Variants in HNRNPA3 observed in about 807,000 individuals in gnomAD.
HNRNPA3 encodes epididymis secretory sperm binding protein.
HNRNPA3 carries 3 observed loss-of-function variants against 45.8 expected under a neutral mutation model. That is an observed-to-expected ratio of 0.07 (90% CI 0.03 to 0.17). The LOEUF is 0.17. HNRNPA3 is among the 10% of genes least tolerant of loss of function. The probability of loss-of-function intolerance (pLI) is 1.00; values close to 1 mark genes in which losing one functional copy is unlikely to be tolerated. For missense variants in HNRNPA3, 183 were observed against 480.3 expected (o/e 0.38, Z 5.79); for synonymous variants, 170 against 155.6 (o/e 1.09, Z -0.69).
Position 177,217,173 on chromosome 2 carries a change from A to G in HNRNPA3, c.820+233A>G, listed in dbSNP as rs938016082. Among the ~76,000 whole-genome samples, 18 of 152,204 alleles carry G rather than the reference A, an allele frequency of 1.2e-4. No homozygotes were observed. The East Asian group carries it at 2.9e-3, about 25-fold the overall frequency. On this transcript the variant is annotated intron_variant, in intron 7 of 10. Coordinates refer to ENST00000392524, the Ensembl canonical transcript of HNRNPA3. ...GAATTGTTCTATTAAGTCTGAGACT[A>G]TATTTTTCTTAGTGAAATTTTGTAA...
At chr2:177,222,790 G>T (rs1432911357), downstream of HNRNPA3, 1 of 152,600 alleles carries the variant, frequency 6.6e-6, no homozygotes, top group Non-Finnish European at 1.5e-5. Flanking sequence ...AAGAAGAAAA[G>T]TTACCAGATG....
downstream of HNRNPA3, chr2:177,221,681 CA>C (rs1373167887): frequency 6.6e-6 from 1 of 152,596 alleles, no homozygotes; most frequent in Admixed American, 6.5e-5. Context: ...CAGTGTGGAT[CA>C]CAGAAACTCA....
At chr2:177,217,963 A>G in intron 8 of HNRNPA3, 118 bp downstream of exon 8, 1 of 1,058,668 alleles carries the variant, frequency 9.4e-7, no homozygotes, top group Non-Finnish European at 1.3e-6. Context: ...TATAAGAAAA[A>G]TACTAAAATG....
intron 8 of HNRNPA3, among the ~76,000 whole-genome samples, chr2:177,218,372 A>G (rs1341689132): frequency 6.6e-6 from 1 of 152,138 alleles, no homozygotes; most frequent in Non-Finnish European, 1.5e-5. Context: ...AAATGTACTG[A>G]ATTTTTAGTT....
chr2:177,214,970 T>G (rs141165070), intron 1 of HNRNPA3, among the ~76,000 whole-genome samples: 7 of 152,296 alleles, frequency 4.6e-5, no homozygotes, highest in Admixed American at 3.3e-4. Context: ...ATGAAGCGAT[T>G]TTTTGATTCT....
At chr2:177,215,421 T>C in intron 1 of HNRNPA3, 118 bp from the exon 2 acceptor site, 1 of 1,057,192 alleles carries the variant, frequency 9.5e-7, no homozygotes, top group Non-Finnish European at 1.4e-6. Context: ...CTGGACAAAG[T>C]GTTAACTGTC....
intron 7 of HNRNPA3, 21 bp from the exon 8 acceptor site, chr2:177,217,684 T>TGTTATTTGTTGTTTTTTTA: frequency 1.9e-6 from 3 of 1,611,962 alleles, no homozygotes; most frequent in Non-Finnish European, 2.5e-6. Context: ...TGTGTGGTCT[T>TGTTATTTGTTGTTTTTTTA]GTTATTTGTT....
intron 7 of HNRNPA3, 75 bp from the exon 8 acceptor site, chr2:177,217,628 TAC>T (rs763233106): frequency 8.9e-5 from 140 of 1,570,170 alleles, no homozygotes; most frequent in African/African-American, 1.5e-4. Flanking sequence ...CCCAGTCTCT[TAC>T]ACACACACCA....
At chr2:177,216,735 G>A in exon 6 of HNRNPA3, 1 of 1,614,160 alleles carries the variant, frequency 6.2e-7, no homozygotes, top group Non-Finnish European at 8.5e-7. Context: ...AGGTGGTGGA[G>A]GTAATTTTGG....
chr2:177,218,785 A>T (rs890973682), intron 8 of HNRNPA3, among the ~76,000 whole-genome samples: 2 of 152,236 alleles, frequency 1.3e-5, no homozygotes, highest in Non-Finnish European at 2.9e-5. Flanking sequence ...CTTCAGAATC[A>T]TAGTGAATGG....
At position 177,212,887 on chromosome 2, in the gene HNRNPA3, C is replaced by G; in HGVS notation, c.72+16C>G. 7.0e-7 allele frequency: 1 copy of G among 1,421,744 alleles called. No homozygotes were observed. 88.1% of individuals were successfully genotyped at this position (1,421,744 alleles called of 1,614,324 possible). On this transcript the variant is annotated intron_variant, in intron 1 of 10. Transcript: ENST00000392524. ...GGGGGAGGAGGTATTAGGGGGAGAGCGGGGGGTTGGTGGGGAATGGCCGGC... is the reference window on the plus strand; with the variant it reads ...GGGGGAGGAGGTATTAGGGGGAGAGGGGGGGGTTGGTGGGGAATGGCCGGC...
At position 177,219,323 on chromosome 2, in the gene HNRNPA3, CTT is replaced by C. The variant is rs1558971470; in HGVS notation, c.*15+11_*15+12del. On this transcript the variant is annotated intron_variant, in intron 10 of 10. Transcript: ENST00000392524. ...AAAAACAGCAGAAAAGGGTAGGTAT[CTT>C]TAAATTTTTATTATGATGATAAAAG... 6.3e-7 allele frequency: 1 copy of C among 1,590,270 alleles called. No homozygotes were observed. The highest frequency in any genetic ancestry group is 8.6e-7 in the Non-Finnish European group (1 of 1,164,584).
chr2:177,214,358 TC>T (rs773095784), intron 1 of HNRNPA3, among the ~76,000 whole-genome samples: 45 of 152,342 alleles, frequency 3.0e-4, no homozygotes, highest in Non-Finnish European at 4.9e-4. Context: ...AGCTATTTGA[TC>T]GGCTTTTTTT....
chr2:177,222,744 G>C (rs1261690083), downstream of HNRNPA3: 1 of 152,582 alleles, frequency 6.6e-6, no homozygotes, highest in Non-Finnish European at 1.5e-5. Context: ...TGAGCTGACT[G>C]CCCCACTGTA....
At chr2:177,223,853 ATG>A (rs933027729), downstream of HNRNPA3, 15 of 152,194 alleles carry the variant, frequency 9.9e-5, no homozygotes, top group South Asian at 2.1e-4. Context: ...ATTTTTAGAA[ATG>A]TGTGTGTTGT....
At chr2:177,217,669 G>C in intron 7 of HNRNPA3, 36 bp from the exon 8 acceptor site, 1 of 1,611,596 alleles carries the variant, frequency 6.2e-7, no homozygotes, top group Non-Finnish European at 8.5e-7. Context: ...ATACACTTAA[G>C]TTTTTGTGTG....
chr2:177,214,071 G>A (rs1362983679), intron 1 of HNRNPA3, among the ~76,000 whole-genome samples: 1 of 152,162 alleles, frequency 6.6e-6, no homozygotes, highest in Non-Finnish European at 1.5e-5. Flanking sequence ...GTAAATGTGA[G>A]CCCCTTATTT....
intron 1 of HNRNPA3, among the ~76,000 whole-genome samples, chr2:177,214,164 A>AAAACAATTTCAAGACATCTT (rs1421411432): frequency 6.6e-6 from 1 of 152,224 alleles, no homozygotes; most frequent in Non-Finnish European, 1.5e-5. Flanking sequence ...ACTAAAGTAT[A>AAAACAATTTCAAGACATCTT]AAACAATTTC....
At chr2:177,222,208 A>G (rs1295384467), downstream of HNRNPA3, 1 of 152,546 alleles carries the variant, frequency 6.6e-6, no homozygotes, top group Non-Finnish European at 1.5e-5. Flanking sequence ...ATATTTCACA[A>G]CTTTGTCCCT....
Sources: allele counts gnomAD v4.1 joint callset (sites outside exome capture counted in the v4.1 genomes callset), GRCh38; gene constraint gnomAD v4.1.1; transcripts MANE v1.5; gene names NCBI Gene and HGNC (gene_info 2026-07-23, HGNC 2026-07-21).